The following WWOX variants were observed in gnomAD, a reference collection of about 807,000 sequenced individuals.
WWOX encodes WW domain-containing oxidoreductase.
A neutral mutation model predicts 46.2 loss-of-function variants in WWOX; 69 were observed. The observed-to-expected ratio is 1.49, with a 90% CI of 1.23 to 1.82. The LOEUF (loss-of-function observed/expected upper bound fraction) is 1.82, where lower values mean the gene tolerates loss of function less well. Among genes scored for constraint, WWOX ranks in the 40% most tolerant of loss-of-function variants. The pLI, the probability that WWOX is intolerant of heterozygous loss-of-function variation, is 0.00. For missense variants in WWOX, 919 were observed against 542.6 expected, an observed-to-expected ratio of 1.69 and a Z score of -6.89; for synonymous variants, 359 against 202.6, an observed-to-expected ratio of 1.77 and a Z score of -6.56.
rs73567322 is a variant in WWOX at position 78,989,948 on chromosome 16, C to T, written c.1057-221660C>T. 5.4e-3 allele frequency among the ~76,000 whole-genome samples: 818 copies of T among 151,336 alleles called. 15 individuals are homozygous for T. The highest frequency in any genetic ancestry group is 0.019 in the African/African-American group (773 of 41,184). Reference sequence around the variant, plus strand: ...CTGTAATTCTAGCACTTTGGGAGGCCGGGGCGAGCAAATTGCTTGAACTCA... The same window carrying T: ...CTGTAATTCTAGCACTTTGGGAGGCTGGGGCGAGCAAATTGCTTGAACTCA... On this transcript the variant is annotated intron_variant, in intron 8 of 8. Coordinates refer to ENST00000566780, the MANE Select transcript of WWOX (RefSeq NM_016373.4).
At chr16:78,652,583 T>G (rs561974772) in intron 8 of WWOX, among the ~76,000 whole-genome samples, 9 of 152,276 alleles carry the variant, frequency 5.9e-5, no homozygotes, top group Admixed American at 4.6e-4. Flanking sequence ...TCTCAGCGTG[T>G]TCGGGGTCTC....
intron 8 of WWOX, among the ~76,000 whole-genome samples, chr16:78,652,302 G>A (rs942942168): frequency 2.0e-5 from 3 of 151,394 alleles, no homozygotes; most frequent in Non-Finnish European, 4.4e-5. Flanking sequence ...CCAGCTACTC[G>A]GGAGCCTGAG....
At chr16:78,379,738 C>G (rs1347740150) in intron 5 of WWOX, among the ~76,000 whole-genome samples, 2 of 152,180 alleles carry the variant, frequency 1.3e-5, no homozygotes, top group African/African-American at 4.8e-5. Flanking sequence ...ACCCTCCCAG[C>G]TAATTCCTAG....
At chr16:78,476,097 T>C (rs779859742) in intron 8 of WWOX, among the ~76,000 whole-genome samples, 4 of 152,168 alleles carry the variant, frequency 2.6e-5, no homozygotes, top group Non-Finnish European at 4.4e-5. Flanking sequence ...GGTGTTCTAA[T>C]TGTTACCAAA....
intron 8 of WWOX, among the ~76,000 whole-genome samples, chr16:78,797,260 A>C (rs936627513): frequency 6.6e-6 from 1 of 151,390 alleles, no homozygotes; most frequent in African/African-American, 2.4e-5. Context: ...CATGATCTCA[A>C]GTCAGCCACC....
chr16:78,455,330 TATTCTA>T (rs1448292790), intron 8 of WWOX, among the ~76,000 whole-genome samples: 1 of 152,036 alleles, frequency 6.6e-6, no homozygotes, highest in African/African-American at 2.4e-5. Flanking sequence ...AGATAAATGA[TATTCTA>T]ATCTAATATT....
At chr16:78,117,511 AG>A (rs35479461) in intron 4 of WWOX, among the ~76,000 whole-genome samples, 21,104 of 152,178 alleles carry the variant, frequency 0.14, 1,758 homozygotes, top group Non-Finnish European at 0.19. Flanking sequence ...ACTCTGCAGC[AG>A]TGGTATCAGG....
intron 8 of WWOX, among the ~76,000 whole-genome samples, chr16:78,568,124 G>T (rs1382225884): frequency 2.6e-5 from 4 of 152,134 alleles, no homozygotes; most frequent in Non-Finnish European, 2.9e-5. Flanking sequence ...TTGAAAGTGT[G>T]CATTAATGCA....
chr16:79,055,189 C>T (rs1025022419), intron 8 of WWOX, among the ~76,000 whole-genome samples: 1 of 152,156 alleles, frequency 6.6e-6, no homozygotes, highest in African/African-American at 2.4e-5. Flanking sequence ...CAAACAGTAA[C>T]AGTGATTACC....
chr16:78,334,827 C>T (rs1326977344), intron 5 of WWOX, among the ~76,000 whole-genome samples: 260 of 110,478 alleles, frequency 2.4e-3, no homozygotes, highest in African/African-American at 7.9e-3. Flanking sequence ...CACACACACA[C>T]ACACATACAC....
intron 8 of WWOX, among the ~76,000 whole-genome samples, chr16:79,188,806 C>G (rs113841361): frequency 1.3e-5 from 2 of 152,206 alleles, no homozygotes; most frequent in African/African-American, 4.8e-5. Flanking sequence ...TCAGTGTTTG[C>G]TTTTCCTGGG....
intron 5 of WWOX, among the ~76,000 whole-genome samples, chr16:78,372,082 G>A (rs1043008592): frequency 6.6e-6 from 1 of 152,184 alleles, no homozygotes; most frequent in Non-Finnish European, 1.5e-5. Context: ...AATTGTGAAG[G>A]AGACTGGGCA....
chr16:79,122,148 C>G (rs917702434), intron 8 of WWOX, among the ~76,000 whole-genome samples: 1 of 152,174 alleles, frequency 6.6e-6, no homozygotes, highest in African/African-American at 2.4e-5. Flanking sequence ...GGGAACACAG[C>G]TGTTTCTCAA....
chr16:78,987,960 A>T (rs2046813321), intron 8 of WWOX, among the ~76,000 whole-genome samples: 1 of 151,998 alleles, frequency 6.6e-6, no homozygotes, highest in African/African-American at 2.4e-5. Context: ...GAGGTAACAA[A>T]CCCAAATTGA....
chr16:78,861,435 C>T (rs2043883210), intron 8 of WWOX, among the ~76,000 whole-genome samples: 2 of 152,144 alleles, frequency 1.3e-5, no homozygotes, highest in South Asian at 2.1e-4. Flanking sequence ...ATGAGTCTAC[C>T]ATCCAGATTC....
At chr16:78,513,860 A>G (rs1222915441) in intron 8 of WWOX, among the ~76,000 whole-genome samples, 1 of 151,716 alleles carries the variant, frequency 6.6e-6, no homozygotes, top group East Asian at 1.9e-4. Context: ...TGGTCGAAAA[A>G]CAGTGTTTTC....
At chr16:78,673,978 G>C (rs1460428169) in intron 8 of WWOX, among the ~76,000 whole-genome samples, 1 of 152,178 alleles carries the variant, frequency 6.6e-6, no homozygotes, top group East Asian at 1.9e-4. Flanking sequence ...GAAAGTACTA[G>C]CTTGGAGAAG....
intron 8 of WWOX, among the ~76,000 whole-genome samples, chr16:78,698,103 T>C (rs2048138793): frequency 6.6e-6 from 1 of 152,232 alleles, no homozygotes; most frequent in African/African-American, 2.4e-5. Context: ...GTATATATTT[T>C]CAACTCTCTC....
intron 8 of WWOX, among the ~76,000 whole-genome samples, chr16:78,605,333 T>C (rs888408382): frequency 2.0e-5 from 3 of 151,760 alleles, no homozygotes; most frequent in African/African-American, 7.3e-5. Flanking sequence ...ATATAATCAA[T>C]ATTTAGTGAT....
Sources: gnomAD v4.1 joint callset for allele counts (sites outside exome capture counted in the v4.1 genomes callset) on GRCh38, gnomAD v4.1.1 for gene constraint, MANE v1.5 for transcripts, NCBI Gene and HGNC (gene_info 2026-07-23, HGNC 2026-07-21) for gene names.